FBN2: variants seen among roughly 807,000 people sequenced by gnomAD.
FBN2 encodes the protein fibrillin 2, also known as fibrillin-2.
Under a neutral mutation model 355.6 loss-of-function variants are expected in FBN2, and 105 were observed. The observed-to-expected ratio is 0.30, with a 90% CI of 0.25 to 0.35. The LOEUF is 0.35. Ranked by LOEUF, FBN2 falls within the 10% of genes least tolerant of loss-of-function variation. The pLI is 1.00. For synonymous variants in FBN2, 1,350 were observed against 1,301.2 expected (o/e 1.04, Z -0.81); for missense variants, 3,280 against 3,758.7 (o/e 0.87, Z 3.33).
chr5:128,464,740 G>T lies in FBN2; in HGVS notation c.810C>A (p.Arg270=). 1 of 1,613,648 alleles carries T rather than the reference G, an allele frequency of 6.2e-7. No homozygotes were observed. The highest frequency in any genetic ancestry group is 2.2e-5 in the East Asian group (1 of 44,878). The change falls in exon 6 of 65, where the codon CGC becomes CGA. Residue 270 remains arginine (R), a synonymous_variant. Coordinates refer to ENST00000262464, the MANE Select transcript of FBN2 (RefSeq NM_001999.4). ...PCRRGFIPNI[R]TGACQDVDEC... Reference sequence around the variant, plus strand: ...CTGACTCACCTTGGCAAGCTCCAGTGCGGATGTTGGGGATGAAACCCCGTC... The same window carrying T: ...CTGACTCACCTTGGCAAGCTCCAGTTCGGATGTTGGGGATGAAACCCCGTC...
intron 6 of FBN2, among the ~76,000 whole-genome samples, chr5:128,451,187 A>G (rs1213691431): frequency 6.6e-6 from 1 of 152,170 alleles, no homozygotes; most frequent in Non-Finnish European, 1.5e-5. Context: ...ATTCAAGCCT[A>G]CAGATTATTT....
chr5:128,512,725 T>C (rs1292787526), intron 5 of FBN2, among the ~76,000 whole-genome samples: 1 of 152,128 alleles, frequency 6.6e-6, no homozygotes, highest in East Asian at 1.9e-4. Context: ...AAGCCTTATT[T>C]GTATGACTTA....
chr5:128,287,030 T>G (rs1458368617), intron 54 of FBN2, among the ~76,000 whole-genome samples, 181 bp from the exon 55 acceptor site: 1 of 152,180 alleles, frequency 6.6e-6, no homozygotes, highest in Non-Finnish European at 1.5e-5. Context: ...GCACTGCTCA[T>G]AGTGATAAGA....
At chr5:128,487,993 A>C (rs1755384379) in intron 5 of FBN2, among the ~76,000 whole-genome samples, 1 of 152,194 alleles carries the variant, frequency 6.6e-6, no homozygotes, top group African/African-American at 2.4e-5. Flanking sequence ...AATTTAGCCA[A>C]CACATAAAAA....
chr5:128,342,890 G>A (rs1751064603), intron 25 of FBN2, among the ~76,000 whole-genome samples: 2 of 151,890 alleles, frequency 1.3e-5, no homozygotes, highest in Non-Finnish European at 2.9e-5. Context: ...CACCATGCCC[G>A]GCTAATTTTG....
intron 48 of FBN2, 84 bp downstream of exon 48, chr5:128,300,733 T>A: frequency 7.2e-7 from 1 of 1,381,480 alleles, no homozygotes; most frequent in Non-Finnish European, 1.0e-6. Context: ...TTGCAGTGGT[T>A]GGCACTTAGT....
At chr5:128,503,293 G>T (rs957792280) in intron 5 of FBN2, among the ~76,000 whole-genome samples, 3 of 152,136 alleles carry the variant, frequency 2.0e-5, no homozygotes, top group South Asian at 2.1e-4. Context: ...CCAGTCTCAG[G>T]TATGTCTTTA....
chr5:128,314,300 C>G (rs1292645969), intron 36 of FBN2, among the ~76,000 whole-genome samples: 1 of 152,018 alleles, frequency 6.6e-6, no homozygotes, highest in African/African-American at 2.4e-5. Flanking sequence ...CATGGTCCCC[C>G]TTCTAATTAG....
chr5:128,530,568 T>C, intron 3 of FBN2, 27 bp downstream of exon 3: 1 of 1,510,202 alleles, frequency 6.6e-7, no homozygotes, highest in Non-Finnish European at 9.2e-7. Flanking sequence ...AAAAATGCAG[T>C]GAAAAGGCCA....
At chr5:128,520,658 A>G (rs1756406804) in intron 4 of FBN2, among the ~76,000 whole-genome samples, 1 of 152,208 alleles carries the variant, frequency 6.6e-6, no homozygotes, top group African/African-American at 2.4e-5. Context: ...TCTGCTGATG[A>G]TGGTCAGAAG....
intron 25 of FBN2, among the ~76,000 whole-genome samples, chr5:128,341,427 G>T (rs2126907637): frequency 6.6e-6 from 1 of 152,284 alleles, no homozygotes; most frequent in East Asian, 1.9e-4. Flanking sequence ...AGTAGATACT[G>T]TGACATGTCA....
At chr5:128,513,306 A>T (rs1281758747) in intron 5 of FBN2, among the ~76,000 whole-genome samples, 1 of 152,224 alleles carries the variant, frequency 6.6e-6, no homozygotes, top group African/African-American at 2.4e-5. Flanking sequence ...CTTTTGAGTA[A>T]ATTCTATATA....
At chr5:128,504,421 C>T (rs1264439472) in intron 5 of FBN2, among the ~76,000 whole-genome samples, 1 of 152,176 alleles carries the variant, frequency 6.6e-6, no homozygotes, top group African/African-American at 2.4e-5. Flanking sequence ...CCCATGAAAG[C>T]AGCGTGAGAG....
chr5:128,274,020 T>C, intron 60 of FBN2, 52 bp from the exon 61 acceptor site: 1 of 1,605,746 alleles, frequency 6.2e-7, no homozygotes, highest in Non-Finnish European at 8.5e-7. Context: ...ATAACATGTC[T>C]TACGTTTCAT....
At chr5:128,491,337 G>T (rs754194601) in intron 5 of FBN2, among the ~76,000 whole-genome samples, 1 of 152,182 alleles carries the variant, frequency 6.6e-6, no homozygotes, top group Non-Finnish European at 1.5e-5. Context: ...GAGCTTTTTA[G>T]AACATTGTAA....
At chr5:128,270,467 T>G (rs1765239395) in intron 62 of FBN2, among the ~76,000 whole-genome samples, 1 of 152,050 alleles carries the variant, frequency 6.6e-6, no homozygotes, top group Admixed American at 6.6e-5. Context: ...AGGCGGAGGT[T>G]GTAGTGAGCC....
At chr5:128,332,011 G>A (rs1750706360) in intron 32 of FBN2, among the ~76,000 whole-genome samples, 1 of 152,202 alleles carries the variant, frequency 6.6e-6, no homozygotes, top group Non-Finnish European at 1.5e-5. Context: ...CTAAGCCATT[G>A]CAGGATGTTA....
intron 11 of FBN2, 29 bp downstream of exon 11, chr5:128,391,986 TAAG>T (rs775769523): frequency 8.1e-6 from 13 of 1,602,126 alleles, no homozygotes; most frequent in East Asian, 6.7e-5. Flanking sequence ...CTAAAAAAAC[TAAG>T]AAGGATTATT....
chr5:128,353,098 C>T (rs968811381), intron 20 of FBN2, among the ~76,000 whole-genome samples: 4 of 151,664 alleles, frequency 2.6e-5, no homozygotes, highest in Admixed American at 6.6e-5. Context: ...GCCTGAGCCC[C>T]GTAGGCAGAG....
Sources: gnomAD v4.1 joint callset for allele counts (sites outside exome capture counted in the v4.1 genomes callset) on GRCh38, gnomAD v4.1.1 for gene constraint, MANE v1.5 for transcripts, NCBI Gene and HGNC (gene_info 2026-07-23, HGNC 2026-07-21) for gene names.